The following CALN1 variants were observed in gnomAD, a reference collection of about 807,000 sequenced individuals.
The protein encoded by CALN1 is calcium-binding protein 8.
Under a neutral mutation model 30.6 loss-of-function variants are expected in CALN1, and 17 were observed. The observed-to-expected ratio is 0.56, with a 90% confidence interval of 0.38 to 0.83. The LOEUF is 0.83. CALN1 is among the 40% of genes least tolerant of loss of function. The probability of loss-of-function intolerance (pLI) is 0.00; values close to 1 mark genes in which losing one functional copy is unlikely to be tolerated. For synonymous variants in CALN1, 156 were observed against 131.4 expected, an observed-to-expected ratio of 1.19 and a Z score of -1.28; for missense variants, 291 against 354.9, an observed-to-expected ratio of 0.82 and a Z score of 1.45.
At chr7:72,167,102 G>C (rs567863684) in intron 3 of CALN1, among the ~76,000 whole-genome samples, 2 of 152,162 alleles carry the variant, frequency 1.3e-5, no homozygotes, top group South Asian at 4.2e-4. Context: ...ATAAAAGAAG[G>C]AGAAGAAGTA....
chr7:72,295,303 A>C (rs1026430065), intron 2 of CALN1, among the ~76,000 whole-genome samples: 5 of 152,194 alleles, frequency 3.3e-5, no homozygotes, highest in Non-Finnish European at 7.3e-5. Flanking sequence ...CTTATTTTTA[A>C]AAATAACAAA....
intron 5 of CALN1, among the ~76,000 whole-genome samples, chr7:71,982,050 T>C (rs1289784544): frequency 6.6e-6 from 1 of 152,216 alleles, no homozygotes; most frequent in African/African-American, 2.4e-5. Flanking sequence ...CACTTTTTAG[T>C]TGACTTCTAG....
chr7:72,404,159 C>T (rs1228918928), intron 1 of CALN1, among the ~76,000 whole-genome samples: 2 of 152,162 alleles, frequency 1.3e-5, no homozygotes, highest in Non-Finnish European at 2.9e-5. Flanking sequence ...TTGTCCTTGA[C>T]CTGGCCCTCT....
intron 2 of CALN1, among the ~76,000 whole-genome samples, chr7:72,318,218 C>T (rs1800620007): frequency 6.6e-6 from 1 of 152,178 alleles, no homozygotes; most frequent in South Asian, 2.1e-4. Context: ...TAAAGGGTCC[C>T]ATTAAGAAAC....
chr7:72,226,983 CTGAGA>C (rs57586683), intron 3 of CALN1, among the ~76,000 whole-genome samples: 17,388 of 151,946 alleles, frequency 0.11, 1,419 homozygotes, highest in East Asian at 0.42. Context: ...CTGCAGTGAG[CTGAGA>C]TTACACCACT....
intron 2 of CALN1, among the ~76,000 whole-genome samples, chr7:72,360,422 A>G (rs1002018070): frequency 5.9e-5 from 9 of 151,964 alleles, no homozygotes; most frequent in African/African-American, 1.9e-4. Context: ...TCTAGTTTTG[A>G]AATTTTTTTA....
chr7:72,135,156 T>C (rs760769452), intron 3 of CALN1, among the ~76,000 whole-genome samples: 2 of 152,198 alleles, frequency 1.3e-5, no homozygotes, highest in Non-Finnish European at 2.9e-5. Context: ...CACTGAAGTC[T>C]TGAACCCCTC....
intron 4 of CALN1, among the ~76,000 whole-genome samples, chr7:72,084,165 C>T (rs1368110805): frequency 3.3e-5 from 5 of 152,076 alleles, no homozygotes; most frequent in African/African-American, 2.4e-5. Context: ...GCCAAGATCA[C>T]GCCATTGCAC....
chr7:71,989,699 A>G (rs543258343), intron 5 of CALN1, among the ~76,000 whole-genome samples: 1 of 152,286 alleles, frequency 6.6e-6, no homozygotes, highest in Non-Finnish European at 1.5e-5. Flanking sequence ...AGTTAGCACA[A>G]TAGTTTTGAA....
At chr7:72,363,785 G>A (rs868234294) in intron 2 of CALN1, among the ~76,000 whole-genome samples, 34 of 143,320 alleles carry the variant, frequency 2.4e-4, no homozygotes, top group African/African-American at 7.7e-4. Flanking sequence ...GGAGTGCAGT[G>A]GCACAATCTC....
At chr7:72,387,239 G>GCGGA (rs1554396784) in intron 2 of CALN1, among the ~76,000 whole-genome samples, 11 of 39,110 alleles carry the variant, frequency 2.8e-4, no homozygotes, top group African/African-American at 1.1e-3. Flanking sequence ...AGGGAAGGGA[G>GCGGA]GGGAGGGAGG....
chr7:72,196,801 T>C (rs1791040993), intron 3 of CALN1, among the ~76,000 whole-genome samples: 1 of 152,080 alleles, frequency 6.6e-6, no homozygotes, highest in South Asian at 2.1e-4. Flanking sequence ...GAGTTAGATA[T>C]TTTTATTCCT....
intron 5 of CALN1, among the ~76,000 whole-genome samples, chr7:72,018,153 C>T (rs570626387): frequency 7.1e-4 from 108 of 152,196 alleles, no homozygotes; most frequent in Non-Finnish European, 1.4e-3. Context: ...AATAGCAGGG[C>T]TCTTTCCTCT....
intron 3 of CALN1, among the ~76,000 whole-genome samples, chr7:72,114,103 G>A (rs1807767616): frequency 6.6e-6 from 1 of 151,690 alleles, no homozygotes; most frequent in African/African-American, 2.4e-5. Context: ...CTGGAGGGCT[G>A]GGCACAGTGG....
intron 2 of CALN1, among the ~76,000 whole-genome samples, chr7:72,321,504 C>T (rs568767538): frequency 2.0e-5 from 3 of 152,146 alleles, no homozygotes; most frequent in South Asian, 2.1e-4. Flanking sequence ...ATATTTTGGG[C>T]GAAAATCGTA....
At chr7:72,226,093 C>CAA (rs35950469) in intron 3 of CALN1, among the ~76,000 whole-genome samples, 3,383 of 111,812 alleles carry the variant, frequency 0.03, 87 homozygotes, top group Non-Finnish European at 0.042. Flanking sequence ...AGACTCCACC[C>CAA]AAAAAAAAAA....
chr7:72,244,824 G>T (rs1185214545), intron 3 of CALN1, among the ~76,000 whole-genome samples: 1 of 152,042 alleles, frequency 6.6e-6, no homozygotes, highest in Non-Finnish European at 1.5e-5. Flanking sequence ...TCCACAGTTA[G>T]CAATAACTTA....
chr7:72,055,137 C>T (rs1803170770), intron 4 of CALN1, among the ~76,000 whole-genome samples: 1 of 152,154 alleles, frequency 6.6e-6, no homozygotes, highest in African/African-American at 2.4e-5. Context: ...CCTCACACCA[C>T]ACTAACGAGG....
intron 6 of CALN1, among the ~76,000 whole-genome samples, chr7:71,789,471 G>A (rs796357786): frequency 2.0e-4 from 31 of 152,166 alleles, no homozygotes; most frequent in African/African-American, 7.5e-4. Flanking sequence ...TGCATCAGAG[G>A]CTCTGGGAGT....
Sources: gnomAD v4.1 joint callset for allele counts (sites outside exome capture counted in the v4.1 genomes callset) on GRCh38, gnomAD v4.1.1 for gene constraint, MANE v1.5 for transcripts, NCBI Gene and HGNC (gene_info 2026-07-23, HGNC 2026-07-21) for gene names.